Variants in USP26 observed in about 807,000 individuals in gnomAD.
USP26 encodes the protein ubiquitin carboxyl-terminal hydrolase 26.
For synonymous variants in USP26, 236 were observed against 240.6 expected (o/e 0.98, Z 0.18); for missense variants, 649 against 642.3 (o/e 1.01, Z -0.11).
intron 5 of USP26, among the ~76,000 whole-genome samples, chrX:133,063,685 A>T (rs371741506): frequency 8.9e-6 from 1 of 111,782 alleles, no homozygotes; most frequent in Non-Finnish European, 1.9e-5. Flanking sequence ...ATGCTGAGGG[A>T]TTTTGTCACC....
chrX:133,087,965 T>A (rs2067595140), intron 4 of USP26, among the ~76,000 whole-genome samples: 2 of 111,296 alleles, frequency 1.8e-5, no homozygotes, highest in Admixed American at 9.6e-5. Context: ...AGGCCAGAAG[T>A]TCCAGACAAG....
chrX:133,062,575 T>C (rs918148248), intron 5 of USP26, among the ~76,000 whole-genome samples: 4 of 111,771 alleles, frequency 3.6e-5, no homozygotes, highest in African/African-American at 1.3e-4. Context: ...CAGGCAGCAA[T>C]CTTTGCTATT....
intron 1 of USP26, among the ~76,000 whole-genome samples, chrX:133,092,181 G>T (rs781541947): frequency 8.9e-5 from 10 of 111,748 alleles, no homozygotes; most frequent in Admixed American, 2.9e-4. Flanking sequence ...AGGTTTGATT[G>T]TCCCTTCAAA....
Position 133,097,035 on chromosome X carries a change from T to A in USP26, c.-398A>T, listed in dbSNP as rs1445274110. On this transcript the variant is annotated 5_prime_UTR_variant, in exon 1 of 6. Coordinates refer to ENST00000511190, the MANE Select transcript of USP26 (RefSeq NM_031907.3). ...GAAAAGCAAATTGATCTTACAATAGTTTGTGGAAGAAGTCGACACCCCTGA... is the reference window on the plus strand; with the variant it reads ...GAAAAGCAAATTGATCTTACAATAGATTGTGGAAGAAGTCGACACCCCTGA... 1 of 112,632 alleles carries A rather than the reference T, an allele frequency of 8.9e-6. No homozygotes were observed. The highest frequency in any genetic ancestry group is 1.9e-5 in the Non-Finnish European group (1 of 53,300). The allele number at this position is 112,632 out of a possible 1,213,427, so 9.3% of individuals were successfully genotyped here.
intron 5 of USP26, among the ~76,000 whole-genome samples, chrX:133,039,397 A>G (rs2067409006): frequency 8.9e-6 from 1 of 111,907 alleles, no homozygotes; most frequent in South Asian, 3.7e-4. Context: ...GGACTTCGTT[A>G]TTTCTGTCTT....
chrX:133,060,716 A>G (rs1412862968), intron 5 of USP26, among the ~76,000 whole-genome samples: 1 of 111,927 alleles, frequency 8.9e-6, no homozygotes, highest in African/African-American at 3.2e-5. Flanking sequence ...CCCTTTCCAA[A>G]CTCTGTAAAA....
chrX:133,048,948 A>G (rs1245464243), intron 5 of USP26, among the ~76,000 whole-genome samples: 1 of 111,984 alleles, frequency 8.9e-6, no homozygotes, highest in Non-Finnish European at 1.9e-5. Context: ...GCTGCTGGAC[A>G]TGTCACTCAC....
At chrX:133,092,206 A>T (rs748965722) in intron 1 of USP26, among the ~76,000 whole-genome samples, 1 of 112,049 alleles carries the variant, frequency 8.9e-6, no homozygotes, top group South Asian at 3.7e-4. Flanking sequence ...ACTATAGTTC[A>T]TCTTGCTTTA....
At chrX:133,066,701 C>G (rs1235621356) in intron 5 of USP26, among the ~76,000 whole-genome samples, 4 of 111,479 alleles carry the variant, frequency 3.6e-5, no homozygotes, top group Non-Finnish European at 7.5e-5. Flanking sequence ...TCCCTTCCTT[C>G]CACCTTATGC....
chrX:133,077,305 A>C (rs1361050533), intron 5 of USP26, among the ~76,000 whole-genome samples: 2 of 111,838 alleles, frequency 1.8e-5, no homozygotes, highest in Non-Finnish European at 3.8e-5. Context: ...ATCTTGGGAG[A>C]ACCAAATTTT....
intron 5 of USP26, among the ~76,000 whole-genome samples, chrX:133,071,847 CATT>C (rs1261110766): frequency 9.0e-6 from 1 of 111,073 alleles, no homozygotes; most frequent in Non-Finnish European, 1.9e-5. Flanking sequence ...GTAAATAAAA[CATT>C]ATAAGGGACT....
At position 133,025,591 on chromosome X, in the gene USP26, G is replaced by A; in HGVS notation, c.2630C>T (p.Thr877Ile). ...EAQMQEDRRC[T>I]GYIFFYMHNE... The stretch of plus-strand genomic sequence containing the variant: ...ATGCATGTAAAAGAAGATGTACCCA[G>A]TGCAACGCCTATCCTCCTGCATCTG... Residue 877 changes from threonine (T) to isoleucine (I), a missense_variant, in exon 6 of 6, where the codon ACT becomes ATT. Thr to Ile is a moderately conservative substitution (Grantham distance 89, BLOSUM62 -1). Coordinates refer to ENST00000511190, the MANE Select transcript of USP26 (RefSeq NM_031907.3). 1 of 1,211,272 alleles carries A rather than the reference G, an allele frequency of 8.3e-7. No homozygotes were observed. The highest frequency in any genetic ancestry group is 1.1e-6 in the Non-Finnish European group (1 of 895,399).
At chrX:133,067,729 G>A (rs1430501224) in intron 5 of USP26, among the ~76,000 whole-genome samples, 2 of 111,601 alleles carry the variant, frequency 1.8e-5, no homozygotes, top group Admixed American at 1.9e-4. Flanking sequence ...CTCAGGGAGT[G>A]AGGGGAAAGG....
intron 5 of USP26, among the ~76,000 whole-genome samples, chrX:133,060,480 T>C (rs1281217537): frequency 8.9e-6 from 1 of 112,061 alleles, no homozygotes; most frequent in Non-Finnish European, 1.9e-5. Context: ...AATGCTTATA[T>C]AGAACATTAT....
At chrX:133,094,394 A>G (rs1270755435) in intron 1 of USP26, among the ~76,000 whole-genome samples, 1 of 109,043 alleles carries the variant, frequency 9.2e-6, no homozygotes, top group Admixed American at 9.9e-5. Context: ...TGTCCTCCTT[A>G]TTCTTAAATA....
chrX:133,064,434 C>G (rs1046495330), intron 5 of USP26, among the ~76,000 whole-genome samples: 1 of 111,978 alleles, frequency 8.9e-6, no homozygotes, highest in African/African-American at 3.2e-5. Flanking sequence ...ACATTCTTCT[C>G]AGCACCACAT....
At chrX:133,074,697 A>C (rs1407518040) in intron 5 of USP26, among the ~76,000 whole-genome samples, 1 of 112,402 alleles carries the variant, frequency 8.9e-6, no homozygotes, top group Non-Finnish European at 1.9e-5. Context: ...GTTCCTCTGG[A>C]GAGGAGCAGC....
intron 5 of USP26, among the ~76,000 whole-genome samples, chrX:133,074,514 G>A (rs1439721521): frequency 8.9e-6 from 1 of 112,080 alleles, no homozygotes; most frequent in Non-Finnish European, 1.9e-5. Flanking sequence ...AGAAGTAGCT[G>A]GTCTCATTTG....
chrX:133,088,064 G>A (rs1421557410), intron 4 of USP26, among the ~76,000 whole-genome samples: 9 of 111,757 alleles, frequency 8.1e-5, no homozygotes, highest in African/African-American at 2.9e-4. Context: ...TAGCTACTCA[G>A]GGGGCTGAGG....
Sources: allele counts gnomAD v4.1 joint callset (sites outside exome capture counted in the v4.1 genomes callset), GRCh38; gene constraint gnomAD v4.1.1; transcripts MANE v1.5; gene names NCBI Gene and HGNC (gene_info 2026-07-23, HGNC 2026-07-21).